Variants in DCC observed in about 807,000 individuals in gnomAD.
DCC encodes the protein DCC netrin 1 receptor, also known as netrin receptor DCC.
A neutral mutation model predicts 172.5 loss-of-function variants in DCC; 58 were observed. The observed-to-expected ratio is 0.34, with a 90% CI of 0.27 to 0.42. DCC has a LOEUF of 0.42. Among genes scored for constraint, DCC ranks in the 10% least tolerant of loss-of-function variants. The pLI is 1.00. For missense variants in DCC, 1,740 were observed against 1,791.0 expected, an observed-to-expected ratio of 0.97 and a Z score of 0.51; for synonymous variants, 709 against 644.5, an observed-to-expected ratio of 1.10 and a Z score of -1.52.
intron 1 of DCC, among the ~76,000 whole-genome samples, chr18:52,411,440 C>T (rs757724894): frequency 1.3e-5 from 2 of 152,142 alleles, no homozygotes; most frequent in Non-Finnish European, 2.9e-5. Flanking sequence ...TCTGAGGCAA[C>T]CAGTGCTCTC....
chr18:53,152,096 T>C (rs988184267), intron 7 of DCC, among the ~76,000 whole-genome samples: 1 of 152,174 alleles, frequency 6.6e-6, no homozygotes, highest in Non-Finnish European at 1.5e-5. Context: ...TTATTTTTAT[T>C]AAATGGTGAA....
intron 1 of DCC, among the ~76,000 whole-genome samples, chr18:52,559,488 C>T (rs1249029619): frequency 6.6e-6 from 1 of 152,056 alleles, no homozygotes; most frequent in East Asian, 1.9e-4. Flanking sequence ...TCTCCTTTTT[C>T]ATGCCATAAA....
chr18:52,353,556 A>G (rs955060220), intron 1 of DCC, among the ~76,000 whole-genome samples: 1 of 152,252 alleles, frequency 6.6e-6, no homozygotes, highest in Non-Finnish European at 1.5e-5. Flanking sequence ...GGCATGAAAC[A>G]GACCAAGTGC....
At chr18:52,991,222 A>G (rs1356701927) in intron 5 of DCC, among the ~76,000 whole-genome samples, 1 of 152,172 alleles carries the variant, frequency 6.6e-6, no homozygotes, top group South Asian at 2.1e-4. Flanking sequence ...TAAACTCACA[A>G]TCATGCAATT....
intron 7 of DCC, among the ~76,000 whole-genome samples, chr18:53,121,181 G>A (rs188557256): frequency 9.2e-5 from 14 of 151,764 alleles, no homozygotes; most frequent in Non-Finnish European, 1.6e-4. Flanking sequence ...GAAAAGAGCC[G>A]GAGAGCCAGA....
chr18:53,316,715 T>G (rs1022237692), intron 13 of DCC, among the ~76,000 whole-genome samples: 1 of 152,142 alleles, frequency 6.6e-6, no homozygotes, highest in African/African-American at 2.4e-5. Flanking sequence ...ATTCTCTTTG[T>G]AGCAATTGTG....
At chr18:53,418,700 G>A (rs543195446) in intron 21 of DCC, among the ~76,000 whole-genome samples, 11 of 152,158 alleles carry the variant, frequency 7.2e-5, no homozygotes, top group African/African-American at 2.2e-4. Context: ...TATCTGTTCA[G>A]ATTCTTGTCA....
At chr18:53,463,773 C>T (rs2045586890) in intron 24 of DCC, among the ~76,000 whole-genome samples, 1 of 152,156 alleles carries the variant, frequency 6.6e-6, no homozygotes, top group Admixed American at 6.5e-5. Flanking sequence ...TTTCAATTAA[C>T]TCATGTAATA....
At chr18:53,281,638 C>T (rs1008924415) in intron 12 of DCC, among the ~76,000 whole-genome samples, 4 of 152,064 alleles carry the variant, frequency 2.6e-5, no homozygotes, top group African/African-American at 4.8e-5. Context: ...GGGACTGGCT[C>T]ATATGAGCCC....
At chr18:53,280,035 C>T (rs1334174493) in intron 12 of DCC, among the ~76,000 whole-genome samples, 1 of 152,058 alleles carries the variant, frequency 6.6e-6, no homozygotes, top group Non-Finnish European at 1.5e-5. Context: ...AAGCCCCTAT[C>T]ACACAAAATT....
intron 1 of DCC, among the ~76,000 whole-genome samples, chr18:52,563,469 G>A (rs79339155): frequency 0.04 from 6,066 of 152,048 alleles, 159 homozygotes; most frequent in Non-Finnish European, 0.054. Context: ...TGAACTCTGC[G>A]GTGTCTTACA....
At chr18:52,975,827 A>G (rs117257259) in intron 5 of DCC, among the ~76,000 whole-genome samples, 5,361 of 152,264 alleles carry the variant, frequency 0.035, 127 homozygotes, top group African/African-American at 0.054. Flanking sequence ...ACATTTGTGC[A>G]TGTGTCTTTA....
intron 1 of DCC, among the ~76,000 whole-genome samples, chr18:52,746,198 G>A (rs1441366951): frequency 2.6e-5 from 4 of 152,142 alleles, no homozygotes; most frequent in African/African-American, 9.7e-5. Context: ...AAATGTGGTA[G>A]CATCTATTTC....
chr18:52,408,165 A>T lies in DCC; in HGVS notation c.91+67287A>T, dbSNP rs73955622. On this transcript the variant is annotated intron_variant, in intron 1 of 28. Transcript: ENST00000442544. ...GGACTTACTATCAATCACATATCCA[A>T]ATGCCATATATGATATTCTAAAATA... 3.8e-3 allele frequency among the ~76,000 whole-genome samples: 583 copies of T among 152,212 alleles called. 6 individuals carry two copies. The highest frequency in any genetic ancestry group is 0.013 in the African/African-American group (552 of 41,566).
chr18:52,865,699 G>C (rs1471987296), intron 2 of DCC, among the ~76,000 whole-genome samples: 1 of 151,714 alleles, frequency 6.6e-6, no homozygotes, highest in Non-Finnish European at 1.5e-5. Context: ...TGATGGGGTT[G>C]TTTTTTTCTT....
At chr18:53,025,156 T>A (rs2041938449) in intron 5 of DCC, among the ~76,000 whole-genome samples, 1 of 152,096 alleles carries the variant, frequency 6.6e-6, no homozygotes, top group African/African-American at 2.4e-5. Context: ...AGCAATCAAA[T>A]GATGTATGAG....
rs1228251628 is a variant in DCC, at chr18:53,108,377, T to G, written c.1261+42211T>G. ...TAAGTGATATATGGTCTAGGAAGAA[T>G]GTATCCACACATTTCTACAGCTACT... On this transcript the variant is annotated intron_variant, in intron 7 of 28. Transcript: ENST00000442544. Among the ~76,000 whole-genome samples the G allele has an allele frequency of 2.0e-5, 3 of 151,920 alleles. No homozygotes were observed. In the South Asian group the frequency reaches 6.2e-4, roughly 32 times the overall value.
At position 52,721,790 on chromosome 18, in the gene DCC, C is replaced by T. The variant is rs534743665; in HGVS notation, c.92-30264C>T. ...CTGTAATCTGAACACTTTGGGATGC[C>T]GAGGCAGGTGGATCACCAGAGGTTG... On this transcript the variant is annotated intron_variant, in intron 1 of 28. Transcript: ENST00000442544. Among the ~76,000 whole-genome samples, 9 of 152,090 alleles carry T rather than the reference C, an allele frequency of 5.9e-5. 1 individual carries two copies. Among genetic ancestry groups the T allele is most frequent in the Non-Finnish European group, 1.0e-4 (7 of 68,018 alleles).
At chr18:52,378,757 A>T (rs1267421382) in intron 1 of DCC, among the ~76,000 whole-genome samples, 5 of 152,224 alleles carry the variant, frequency 3.3e-5, no homozygotes, top group African/African-American at 1.2e-4. Context: ...CATGTAGCCC[A>T]GACTGTTCTG....
Sources: gnomAD v4.1 joint callset for allele counts (sites outside exome capture counted in the v4.1 genomes callset) on GRCh38, gnomAD v4.1.1 for gene constraint, MANE v1.5 for transcripts, NCBI Gene and HGNC (gene_info 2026-07-23, HGNC 2026-07-21) for gene names.